Variants in ATF7IP2 observed in about 807,000 individuals in gnomAD.
ATF7IP2 encodes activating transcription factor 7 interacting protein 2.
A neutral mutation model predicts 64.2 loss-of-function variants in ATF7IP2; 42 were observed. The observed-to-expected ratio is 0.65, with a 90% CI of 0.51 to 0.85. The LOEUF is 0.85. Ranked by LOEUF, ATF7IP2 falls within the 40% of genes least tolerant of loss-of-function variation. The pLI, the probability that ATF7IP2 is intolerant of heterozygous loss-of-function variation, is 0.00. For synonymous variants in ATF7IP2, 308 were observed against 272.8 expected, an observed-to-expected ratio of 1.13 and a Z score of -1.27; for missense variants, 933 against 784.2, an observed-to-expected ratio of 1.19 and a Z score of -2.27.
intron 8 of ATF7IP2, chr16:10,446,345 C>G (rs1234822819): frequency 6.6e-6 from 1 of 152,102 alleles, no homozygotes; most frequent in Admixed American, 6.5e-5. Flanking sequence ...TTTTAAAATT[C>G]TTGAGTCAGT....
intron 3 of ATF7IP2, among the ~76,000 whole-genome samples, chr16:10,421,205 G>A (rs144229047): frequency 2.0e-5 from 3 of 152,220 alleles, no homozygotes; most frequent in Admixed American, 6.5e-5. Context: ...GTTAGAGTCC[G>A]TGAATTAGTA....
chr16:10,453,836 T>G (rs1395534564), intron 8 of ATF7IP2, among the ~76,000 whole-genome samples: 1 of 152,016 alleles, frequency 6.6e-6, no homozygotes, highest in Non-Finnish European at 1.5e-5. Flanking sequence ...AGGCTGGTCT[T>G]GAACTCCCGA....
chr16:10,417,948 C>T (rs1004064093), intron 2 of ATF7IP2, among the ~76,000 whole-genome samples: 1 of 152,068 alleles, frequency 6.6e-6, no homozygotes, highest in African/African-American at 2.4e-5. Flanking sequence ...ATTGGATGTC[C>T]ACGTCGGTCG....
intron 1 of ATF7IP2, among the ~76,000 whole-genome samples, chr16:10,397,993 T>G (rs1457973455): frequency 6.6e-6 from 1 of 151,880 alleles, no homozygotes. Context: ...CTCACACCTG[T>G]TAGGATGACT....
intron 1 of ATF7IP2, among the ~76,000 whole-genome samples, chr16:10,408,484 A>G (rs2047687421): frequency 6.6e-6 from 1 of 152,162 alleles, no homozygotes; most frequent in Admixed American, 6.5e-5. Flanking sequence ...CATTTACACC[A>G]CATCCACACC....
At chr16:10,422,889 A>C (rs1484995830) in intron 3 of ATF7IP2, among the ~76,000 whole-genome samples, 2 of 152,204 alleles carry the variant, frequency 1.3e-5, no homozygotes, top group Non-Finnish European at 2.9e-5. Context: ...AGATACTGCA[A>C]TTTGAATTTC....
intron 8 of ATF7IP2, among the ~76,000 whole-genome samples, chr16:10,443,613 T>C (rs2048704313): frequency 6.6e-6 from 1 of 152,244 alleles, no homozygotes; most frequent in South Asian, 2.1e-4. Context: ...CTTTTACTTT[T>C]ACAATAGCTA....
intron 1 of ATF7IP2, among the ~76,000 whole-genome samples, chr16:10,395,208 G>C (rs74007080): frequency 0.042 from 6,319 of 151,816 alleles, 466 homozygotes; most frequent in African/African-American, 0.15. Flanking sequence ...CAATTGTATG[G>C]TACTCCATTT....
intron 1 of ATF7IP2, chr16:10,386,539 A>C (rs779688810): frequency 6.6e-6 from 1 of 152,122 alleles, no homozygotes; most frequent in East Asian, 1.9e-4. Flanking sequence ...CCCATTGCCA[A>C]ATTTTCTTGA....
chr16:10,443,621 C>T, intron 8 of ATF7IP2, among the ~76,000 whole-genome samples: 1 of 152,206 alleles, frequency 6.6e-6, no homozygotes, highest in East Asian at 1.9e-4. Flanking sequence ...TTTACAATAG[C>T]TACTTTAGTT....
intron 12 of ATF7IP2, among the ~76,000 whole-genome samples, chr16:10,477,146 C>T (rs554592545): frequency 1.4e-3 from 207 of 152,232 alleles, no homozygotes; most frequent in African/African-American, 4.7e-3. Flanking sequence ...CTATCATCAG[C>T]GAACAGACAA....
At position 10,473,479 on chromosome 16, in the gene ATF7IP2, A is replaced by T. The variant is rs1487538509; in HGVS notation, c.1427A>T (p.Asp476Val). The stretch of plus-strand genomic sequence containing the variant: ...TTGTCAAATGTCTAATTTCTTTCAG[A>T]TACCAGAAAAATTACATCAGGAAAT... ...LTTPITSNPT[D>V]TRKITSGNSS... The change falls in exon 11 of 14, where the codon GAT becomes GTT. Residue 476 changes from aspartate to valine, a missense_variant and splice_region_variant. Coordinates refer to ENST00000562102, the MANE Select transcript of ATF7IP2 (RefSeq NM_001393719.1). 1 of 1,553,666 alleles carries T rather than the reference A, an allele frequency of 6.4e-7. No homozygotes were observed. Among genetic ancestry groups the T allele is most frequent in the African/African-American group, 1.4e-5 (1 of 73,124 alleles).
intron 10 of ATF7IP2, among the ~76,000 whole-genome samples, chr16:10,472,855 CAAAAAA>C (rs71133355): frequency 2.0e-5 from 2 of 99,110 alleles, no homozygotes; most frequent in Non-Finnish European, 2.2e-5. Context: ...GACTCCGTCT[CAAAAAA>C]AAAAAAAAAA....
chr16:10,418,076 T>A (rs879736006), intron 2 of ATF7IP2, among the ~76,000 whole-genome samples: 1 of 152,190 alleles, frequency 6.6e-6, no homozygotes, highest in Non-Finnish European at 1.5e-5. Context: ...AAACAGAGTT[T>A]TACCCACATA....
At chr16:10,397,925 A>G (rs1449686450) in intron 1 of ATF7IP2, among the ~76,000 whole-genome samples, 1 of 152,164 alleles carries the variant, frequency 6.6e-6, no homozygotes, top group Non-Finnish European at 1.5e-5. Flanking sequence ...AAATGGCTAA[A>G]GTGCACATCA....
chr16:10,476,650 C>T (rs1009597539), intron 12 of ATF7IP2, among the ~76,000 whole-genome samples: 4 of 151,970 alleles, frequency 2.6e-5, no homozygotes, highest in African/African-American at 7.3e-5. Context: ...CTGATGTTCT[C>T]TCCACCCCCT....
chr16:10,404,396 G>A (rs1596446008), intron 1 of ATF7IP2, among the ~76,000 whole-genome samples: 1 of 152,130 alleles, frequency 6.6e-6, no homozygotes, highest in South Asian at 2.1e-4. Context: ...GGGATTACAG[G>A]TGTGTGCCCC....
chr16:10,415,828 A>G (rs2047863019), intron 2 of ATF7IP2, among the ~76,000 whole-genome samples: 1 of 152,268 alleles, frequency 6.6e-6, no homozygotes, highest in Non-Finnish European at 1.5e-5. Flanking sequence ...GAGAGATACA[A>G]ATGGAAAACA....
At chr16:10,459,591 G>A (rs978336044) in intron 9 of ATF7IP2, among the ~76,000 whole-genome samples, 2 of 152,156 alleles carry the variant, frequency 1.3e-5, no homozygotes, top group Non-Finnish European at 2.9e-5. Flanking sequence ...AGGCTGCAGT[G>A]AGCTGAGATC....
Sources: allele counts gnomAD v4.1 joint callset (sites outside exome capture counted in the v4.1 genomes callset), GRCh38; gene constraint gnomAD v4.1.1; transcripts MANE v1.5; gene names NCBI Gene and HGNC (gene_info 2026-07-23, HGNC 2026-07-21).